IL12RB1: variants seen among roughly 807,000 people sequenced by gnomAD.
IL12RB1 encodes interleukin 12 receptor subunit beta 1.
IL12RB1 carries 64 observed loss-of-function variants against 94.4 expected under a neutral mutation model. The observed-to-expected ratio is 0.68, with a 90% CI of 0.55 to 0.83. The LOEUF is 0.83. Among genes scored for constraint, IL12RB1 ranks in the 40% least tolerant of loss-of-function variants. The pLI, the probability that IL12RB1 is intolerant of heterozygous loss-of-function variation, is 0.00. For synonymous variants in IL12RB1, 362 were observed against 355.5 expected, an observed-to-expected ratio of 1.02 and a Z score of -0.21; for missense variants, 814 against 855.6, an observed-to-expected ratio of 0.95 and a Z score of 0.61.
At chr19:18,065,372 T>C (rs765419993) in intron 12 of IL12RB1, among the ~76,000 whole-genome samples, 6 of 152,132 alleles carry the variant, frequency 3.9e-5, no homozygotes, top group Non-Finnish European at 5.9e-5. Context: ...ATGAATCCAA[T>C]ACACCATAAG....
intron 15 of IL12RB1, among the ~76,000 whole-genome samples, chr19:18,060,647 G>A (rs928679118): frequency 2.0e-5 from 3 of 152,034 alleles, no homozygotes; most frequent in Non-Finnish European, 4.4e-5. Flanking sequence ...ATGTGACCCT[G>A]GCCAGCCCAC....
chr19:18,083,896 C>T (rs1001856210), intron 1 of IL12RB1, among the ~76,000 whole-genome samples: 3 of 150,880 alleles, frequency 2.0e-5, no homozygotes, highest in Non-Finnish European at 4.4e-5. Context: ...TCCATGTATT[C>T]ATTCATCCAT....
At chr19:18,063,132 G>A (rs1322329430) in intron 13 of IL12RB1, among the ~76,000 whole-genome samples, 1 of 110,214 alleles carries the variant, frequency 9.1e-6, no homozygotes, top group Admixed American at 1.3e-4. Context: ...GTCTTGCTCC[G>A]TCGCCCAGGC....
At chr19:18,091,689 G>A (rs2036635518), upstream of IL12RB1, 1 of 151,980 alleles carries the variant, frequency 6.6e-6, no homozygotes, top group Non-Finnish European at 1.5e-5. Flanking sequence ...GGGATCATTT[G>A]AGGATGTTTA....
chr19:18,070,390 G>C (rs2034939152), intron 9 of IL12RB1, among the ~76,000 whole-genome samples: 1 of 152,258 alleles, frequency 6.6e-6, no homozygotes, highest in Non-Finnish European at 1.5e-5. Context: ...AGCCTAGGCG[G>C]AGAGTGTGAT....
At chr19:18,064,070 G>GT in intron 12 of IL12RB1, 60 bp from the exon 13 acceptor site, 1 of 1,277,996 alleles carries the variant, frequency 7.8e-7, no homozygotes, top group South Asian at 1.2e-5. Context: ...AGGCCAGGCT[G>GT]GGCTACCACA....
At chr19:18,086,965 T>C, upstream of IL12RB1, 2 of 1,526,856 alleles carry the variant, frequency 1.3e-6, no homozygotes, top group South Asian at 1.2e-5. Flanking sequence ...AAAAGTAAAG[T>C]GTCACAGCCC....
chr19:18,081,085 C>T (rs1448401892), intron 3 of IL12RB1, 84 bp from the exon 4 acceptor site: 6 of 1,273,312 alleles, frequency 4.7e-6, no homozygotes, highest in Non-Finnish European at 4.4e-6. Flanking sequence ...ATCCCAGCAT[C>T]GTTTTTTTGG....
intron 14 of IL12RB1, 108 bp downstream of exon 14, chr19:18,062,073 T>C (rs1029129917): frequency 1.3e-6 from 1 of 742,278 alleles, no homozygotes; most frequent in Non-Finnish European, 2.4e-6. Context: ...CCTTGAATTA[T>C]TTCCTGGGCA....
rs1446488973 is a variant in IL12RB1 at position 18,075,807 on chromosome 19, C to A, written c.642G>T (p.Gln214His). The change falls in exon 7 of 17, where the codon CAG (glutamine) becomes CAT (histidine). Residue 214 changes from glutamine to histidine, a missense_variant. Gln to His is a conservative substitution (Grantham distance 24, BLOSUM62 0). Transcript: ENST00000593993. Reference sequence around the variant, plus strand: ...TCCAGGAACTTCCTTGGCTCCCCAGCTGCCGTCGTCGGAGCTGGAATTCCT... The same window carrying A: ...TCCAGGAACTTCCTTGGCTCCCCAGATGCCGTCGTCGGAGCTGGAATTCCT... ...VAQEFQLRRR[Q>H]LGSQGSSWSK... 1 of 1,612,996 alleles carries A rather than the reference C, an allele frequency of 6.2e-7. No individual in the cohort carries two copies. The highest frequency in any genetic ancestry group is 1.1e-5 in the South Asian group (1 of 91,052).
Position 18,080,836 on chromosome 19 carries a change from G to A in IL12RB1, c.405C>T (p.Asn135=). 8 of 1,604,652 alleles carry A rather than the reference G, an allele frequency of 5.0e-6. No homozygotes were observed. Among genetic ancestry groups the A allele is most frequent in the Non-Finnish European group, 6.8e-6 (8 of 1,171,334 alleles). Residue 135 remains asparagine, a synonymous_variant, in exon 4 of 17, where the codon AAC becomes AAT. Coordinates refer to ENST00000593993, the MANE Select transcript of IL12RB1 (RefSeq NM_005535.3). ...GGGGGAGAACAAGGTGCTAACCTGA[G>A]TTGTAGAGCTGCAGGGTCACCTCAG... ...KSPEVTLQLY[N]SVKYEPPLGD...
chr19:18,096,306 T>C (rs952551689), intron 1 of IL12RB1, among the ~76,000 whole-genome samples: 1 of 152,120 alleles, frequency 6.6e-6, no homozygotes, highest in African/African-American at 2.4e-5. Flanking sequence ...TCAGCCTCAG[T>C]TTCCCCTCCT....
In IL12RB1 at chr19:18,075,659, G is replaced by C. The variant is rs561858621; in HGVS notation, c.700+90C>G. The C allele has an allele frequency of 7.3e-5, 86 of 1,177,936 alleles. No individual in the cohort carries two copies. The African/African-American group carries it at 1.2e-3, about 17-fold the overall frequency. 73.0% of individuals were successfully genotyped at this position (1,177,936 alleles called of 1,614,324 possible). On this transcript the variant is annotated intron_variant, in intron 7 of 16. Coordinates refer to ENST00000593993, the MANE Select transcript of IL12RB1 (RefSeq NM_005535.3). ...TGATCCTCCCGCCTCAGCCTTCTGA[G>C]CAGCTGGAACTACAGGTGTGCACCA...
chr19:18,063,043 CTCT>C lies in IL12RB1; in HGVS notation c.1619-769_1619-767del, dbSNP rs1239627135. 1.9e-4 allele frequency among the ~76,000 whole-genome samples: 28 copies of C among 146,148 alleles called. No homozygotes were observed. In the South Asian group the frequency reaches 3.5e-3, roughly 18 times the overall value. ...CCTCCCTCTTCTTCTATTCCTCTTC[CTCT>C]TCTTCTTCTTTCTTCTCCTTCTTCT... On this transcript the variant is annotated intron_variant, in intron 13 of 16. Transcript: ENST00000593993.
chr19:18,078,321 C>A (rs565614520), intron 4 of IL12RB1, among the ~76,000 whole-genome samples: 2 of 152,100 alleles, frequency 1.3e-5, no homozygotes, highest in Non-Finnish European at 2.9e-5. Context: ...GCAGGAGAAT[C>A]GCTTGAACCC....
intron 7 of IL12RB1, among the ~76,000 whole-genome samples, chr19:18,074,602 C>T (rs532773348): frequency 2.0e-5 from 3 of 152,146 alleles, no homozygotes; most frequent in South Asian, 2.1e-4. Context: ...ACAAAATTAG[C>T]TGGGCGTGGT....
In IL12RB1 at chr19:18,080,845, C is replaced by A. The variant is rs1724438341; in HGVS notation, c.396G>T (p.Gln132His). Reference sequence around the variant, plus strand: ...CAAGGTGCTAACCTGAGTTGTAGAGCTGCAGGGTCACCTCAGGAGACTTCT... The same window carrying A: ...CAAGGTGCTAACCTGAGTTGTAGAGATGCAGGGTCACCTCAGGAGACTTCT... ...QTEKSPEVTL[Q>H]LYNSVKYEPP... The change falls in exon 4 of 17, where the codon CAG becomes CAT. Residue 132 changes from glutamine to histidine, a missense_variant. Gln to His is a conservative substitution (Grantham distance 24). Coordinates refer to ENST00000593993, the MANE Select transcript of IL12RB1 (RefSeq NM_005535.3). The A allele has an allele frequency of 6.2e-7, 1 of 1,607,806 alleles. No homozygotes were observed. The highest frequency in any genetic ancestry group is 1.7e-5 in the Admixed American group (1 of 59,982).
rs1489591532 is a variant in IL12RB1, at chr19:18,066,651, G to C, written c.1374C>G (p.Ser458Arg). 6.2e-7 allele frequency: 1 copy of C among 1,610,562 alleles called. No homozygotes were observed. Among genetic ancestry groups the C allele is most frequent in the Non-Finnish European group, 8.5e-7 (1 of 1,177,258 alleles). ...CCCAGTCCACAGACACAGAGTCCAA[G>C]CTATGATTCTTCACCGAGACGTGGT... is the stretch of plus-strand genomic sequence containing the variant. Reference protein sequence around the residue: ...TPHHVSVKNHSLDSVSVDWAP... With the variant: ...TPHHVSVKNHRLDSVSVDWAP... The change falls in exon 12 of 17, where the codon AGC becomes AGG. Residue 458 changes from serine to arginine, a missense_variant. By Grantham distance (110) the Ser-to-Arg change is moderately radical. Coordinates refer to ENST00000593993, the MANE Select transcript of IL12RB1 (RefSeq NM_005535.3).
intron 11 of IL12RB1, among the ~76,000 whole-genome samples, 171 bp downstream of exon 11, chr19:18,068,218 G>T (rs2034735069): frequency 1.3e-5 from 2 of 151,448 alleles, no homozygotes; most frequent in South Asian, 4.2e-4. Context: ...TAGAGACAGG[G>T]TTTCGCCACA....
Sources: allele counts gnomAD v4.1 joint callset (sites outside exome capture counted in the v4.1 genomes callset), GRCh38; gene constraint gnomAD v4.1.1; transcripts MANE v1.5; gene names NCBI Gene and HGNC (gene_info 2026-07-23, HGNC 2026-07-21).